C3orf20: variants seen among roughly 807,000 people sequenced by gnomAD.
C3orf20 encodes the protein family with sequence similarity 149 member C, also known as uncharacterized protein C3orf20.
In C3orf20, 76 loss-of-function variants were observed where a neutral mutation model predicts 88.3. The ratio of observed to expected loss-of-function variants is 0.86; its 90% CI spans 0.72 to 1.04. C3orf20 has a LOEUF of 1.04. C3orf20 is among the 50% of genes least tolerant of loss of function. The pLI is 0.00. For missense variants in C3orf20, 1,056 were observed against 1,123.3 expected (o/e 0.94, Z 0.86); for synonymous variants, 436 against 437.4 (o/e 1.00, Z 0.04).
chr3:14,704,068 C>G (rs924717807), intron 6 of C3orf20, among the ~76,000 whole-genome samples: 1 of 152,154 alleles, frequency 6.6e-6, no homozygotes, highest in African/African-American at 2.4e-5. Flanking sequence ...GACCCACCCC[C>G]CAACTTCCAC....
At chr3:14,764,480 TTTATTATTATTA>T (rs374160361) in intron 15 of C3orf20, among the ~76,000 whole-genome samples, 1 of 148,688 alleles carries the variant, frequency 6.7e-6, no homozygotes, top group Non-Finnish European at 1.5e-5. Flanking sequence ...AACACAATCG[TTTATTATTATTA>T]TTATTATTAT....
chr3:14,738,840 G>A (rs2034815501), intron 12 of C3orf20, among the ~76,000 whole-genome samples: 1 of 120,638 alleles, frequency 8.3e-6, no homozygotes, highest in African/African-American at 3.1e-5. Flanking sequence ...TTTTTTAGTA[G>A]AGATGGGGTT....
chr3:14,720,025 T>G (rs2034092805), intron 9 of C3orf20, among the ~76,000 whole-genome samples: 1 of 151,926 alleles, frequency 6.6e-6, no homozygotes, highest in African/African-American at 2.4e-5. Context: ...TGTTTTGTTT[T>G]GTTTTTTGTT....
At position 14,683,102 on chromosome 3, in the gene C3orf20, A is replaced by G. The variant is rs756442500; in HGVS notation, c.389A>G (p.His130Arg). The change falls in exon 3 of 17, where the codon CAC (histidine) becomes CGC (arginine). Residue 130 changes from histidine (H) to arginine (R), a missense_variant. Physicochemically the swap from His to Arg is conservative, Grantham distance 29. Transcript: ENST00000253697. Reference sequence around the variant, plus strand: ...ACCATGGCCCGTCAGGTGCGCACCCACCAGGAGACCCTGAACAGGTTTCAG... The same window carrying G: ...ACCATGGCCCGTCAGGTGCGCACCCGCCAGGAGACCCTGAACAGGTTTCAG... ...SPTMARQVRT[H>R]QETLNRFQQQ... 6.2e-7 allele frequency: 1 copy of G among 1,613,976 alleles called. No homozygotes were observed. Among genetic ancestry groups the G allele is most frequent in the Non-Finnish European group, 8.5e-7 (1 of 1,179,962 alleles).
chr3:14,744,514 C>G (rs1006000925), intron 12 of C3orf20, among the ~76,000 whole-genome samples: 3 of 151,990 alleles, frequency 2.0e-5, no homozygotes, highest in African/African-American at 7.3e-5. Flanking sequence ...AAAGTCACTT[C>G]CACATTTTCG....
At chr3:14,710,906 T>C (rs1214288827) in intron 7 of C3orf20, among the ~76,000 whole-genome samples, 1 of 151,694 alleles carries the variant, frequency 6.6e-6, no homozygotes, top group African/African-American at 2.4e-5. Context: ...TCTTTTTTTT[T>C]TTTTTGAGGT....
intron 12 of C3orf20, among the ~76,000 whole-genome samples, chr3:14,742,485 G>C (rs1249500134): frequency 1.3e-5 from 2 of 152,210 alleles, no homozygotes; most frequent in Non-Finnish European, 2.9e-5. Flanking sequence ...AGATTGGTCA[G>C]TGGGCTTCTG....
chr3:14,705,338 A>G (rs1196421608), intron 7 of C3orf20, among the ~76,000 whole-genome samples: 1 of 152,238 alleles, frequency 6.6e-6, no homozygotes, highest in Non-Finnish European at 1.5e-5. Context: ...TTTGGATCTG[A>G]GTTTGAAAAG....
intron 6 of C3orf20, among the ~76,000 whole-genome samples, 181 bp downstream of exon 6, chr3:14,703,443 A>G (rs2033362186): frequency 6.6e-6 from 1 of 152,186 alleles, no homozygotes; most frequent in Non-Finnish European, 1.5e-5. Flanking sequence ...CCTCACAGGC[A>G]CACACACACC....
chr3:14,768,005 C>T lies in C3orf20; in HGVS notation c.2496-4062C>T, dbSNP rs373313040. On this transcript the variant is annotated intron_variant, in intron 15 of 16. Coordinates refer to ENST00000253697, the MANE Select transcript of C3orf20 (RefSeq NM_032137.5). The surrounding 1 kb of genome is among the most constrained non-coding windows in gnomAD (Gnocchi z 4.1). ...GGAATGAGACCTGATAAAGACAGAG[C>T]GCTACAGAAACACCAATGTGAGCCT... 3.3e-5 allele frequency among the ~76,000 whole-genome samples: 5 copies of T among 152,224 alleles called. No individual in the cohort carries two copies. The highest frequency in any genetic ancestry group is 1.2e-4 in the African/African-American group (5 of 41,450).
intron 9 of C3orf20, among the ~76,000 whole-genome samples, chr3:14,719,855 G>A (rs936090557): frequency 3.3e-5 from 5 of 152,136 alleles, no homozygotes; most frequent in African/African-American, 1.2e-4. Context: ...CAGGCTCAGA[G>A]AGGCTAACCA....
intron 12 of C3orf20, among the ~76,000 whole-genome samples, chr3:14,732,986 C>A (rs1024747122): frequency 1.3e-5 from 2 of 151,990 alleles, no homozygotes; most frequent in African/African-American, 4.8e-5. Context: ...TATCTTTGCA[C>A]CTTTGGGTCT....
chr3:14,760,606 C>CTTTTTTTTT (rs33982218), intron 14 of C3orf20, among the ~76,000 whole-genome samples: 3 of 97,806 alleles, frequency 3.1e-5, no homozygotes, highest in Non-Finnish European at 5.8e-5. Flanking sequence ...AGTCTGTCTT[C>CTTTTTTTTT]TTTTTTTTTT....
At chr3:14,732,168 G>A (rs556128020) in intron 12 of C3orf20, among the ~76,000 whole-genome samples, 1 of 152,304 alleles carries the variant, frequency 6.6e-6, no homozygotes, top group African/African-American at 2.4e-5. Flanking sequence ...TATTGTTGGG[G>A]TTTGGTTTTT....
chr3:14,694,582 A>G (rs1249067192), intron 5 of C3orf20, among the ~76,000 whole-genome samples: 1 of 151,710 alleles, frequency 6.6e-6, no homozygotes, highest in African/African-American at 2.4e-5. Context: ...CTCTCTTTTT[A>G]TCTTAGTCTG....
At chr3:14,725,569 T>C (rs2124982703) in intron 10 of C3orf20, among the ~76,000 whole-genome samples, 1 of 152,072 alleles carries the variant, frequency 6.6e-6, no homozygotes. Context: ...AAATTTCAAA[T>C]AAATAAATAA....
At chr3:14,762,230 A>T (rs1262251265) in intron 15 of C3orf20, among the ~76,000 whole-genome samples, 1 of 152,196 alleles carries the variant, frequency 6.6e-6, no homozygotes, top group Admixed American at 6.5e-5. Flanking sequence ...AAGTGATCCC[A>T]GGCCCCTGTA....
Position 14,772,874 on chromosome 3 carries a change from A to T in C3orf20, c.2714A>T (p.Ter905LeuextTer?). 6.2e-7 allele frequency: 1 copy of T among 1,613,336 alleles called. No homozygotes were observed. Among genetic ancestry groups the T allele is most frequent in the Non-Finnish European group, 8.5e-7 (1 of 1,179,500 alleles). Residue 905 changes from the stop codon to leucine, a stop_lost, in exon 17 of 17, where the codon TAG becomes TTG. Transcript: ENST00000253697. The surrounding 1 kb of genome is among the most constrained non-coding windows in gnomAD (Gnocchi z 4.2). ...TSWKKQASKK[*>L] ...TGGAAGAAGCAGGCCTCCAAGAAGTAGCGCCATCCTGGCAGCAGCCAAGTG... is the reference window on the plus strand; with the variant it reads ...TGGAAGAAGCAGGCCTCCAAGAAGTTGCGCCATCCTGGCAGCAGCCAAGTG...
intron 10 of C3orf20, 145 bp downstream of exon 10, chr3:14,721,929 C>G (rs758501592): frequency 1.3e-5 from 13 of 977,180 alleles, no homozygotes; most frequent in Non-Finnish European, 2.0e-5. Context: ...TATTCACCAC[C>G]TACTCTTAGT....
Sources: allele counts gnomAD v4.1 joint callset (sites outside exome capture counted in the v4.1 genomes callset), GRCh38; gene constraint gnomAD v4.1.1; non-coding constraint Gnocchi (gnomAD v3.1); transcripts MANE v1.5; gene names NCBI Gene and HGNC (gene_info 2026-07-23, HGNC 2026-07-21).